Variants in NAALADL2 observed in about 807,000 individuals in gnomAD.
The protein encoded by NAALADL2 is N-acetylated alpha-linked acidic dipeptidase like 2, also known as inactive N-acetylated-alpha-linked acidic dipeptidase-like protein 2.
Under a neutral mutation model 87.2 loss-of-function variants are expected in NAALADL2, and 76 were observed. That is an observed-to-expected ratio of 0.87 (90% CI 0.72 to 1.05). NAALADL2 has a LOEUF of 1.05. NAALADL2 is among the 50% of genes least tolerant of loss of function. The pLI is 0.00. For missense variants in NAALADL2, 1,089 were observed against 945.8 expected (o/e 1.15, Z -1.99); for synonymous variants, 354 against 331.0 (o/e 1.07, Z -0.75).
intron 2 of NAALADL2, among the ~76,000 whole-genome samples, chr3:174,570,315 A>G (rs1489775603): frequency 6.6e-6 from 1 of 151,876 alleles, no homozygotes; most frequent in Non-Finnish European, 1.5e-5. Flanking sequence ...TTAAACATAT[A>G]TTTTCTACAT....
intron 5 of NAALADL2, among the ~76,000 whole-genome samples, chr3:175,337,210 T>C (rs1360361707): frequency 6.6e-6 from 1 of 151,974 alleles, no homozygotes; most frequent in African/African-American, 2.4e-5. Flanking sequence ...AGAGTCTTGG[T>C]TGGTCTGTGT....
intron 1 of NAALADL2, among the ~76,000 whole-genome samples, chr3:174,495,910 A>G (rs563074466): frequency 3.3e-5 from 5 of 152,322 alleles, no homozygotes; most frequent in East Asian, 1.9e-4. Flanking sequence ...AAAACTTTGT[A>G]TATAATTTCA....
At chr3:175,362,088 C>T (rs1313774504) in intron 5 of NAALADL2, among the ~76,000 whole-genome samples, 1 of 148,386 alleles carries the variant, frequency 6.7e-6, no homozygotes, top group Non-Finnish European at 1.5e-5. Context: ...CTACATATGG[C>T]TAGCCAATTT....
intron 1 of NAALADL2, among the ~76,000 whole-genome samples, chr3:174,880,131 G>A (rs746628226): frequency 1.3e-5 from 2 of 151,854 alleles, no homozygotes; most frequent in African/African-American, 2.4e-5. Context: ...GCTCTATATC[G>A]ATGATTCTCA....
At chr3:175,432,935 T>C (rs902956823) in intron 5 of NAALADL2, among the ~76,000 whole-genome samples, 4 of 152,082 alleles carry the variant, frequency 2.6e-5, no homozygotes, top group African/African-American at 9.7e-5. Flanking sequence ...ACCTGTTCTC[T>C]TTCATCTGGT....
chr3:175,107,149 T>C (rs1723304770), intron 2 of NAALADL2, among the ~76,000 whole-genome samples: 1 of 152,054 alleles, frequency 6.6e-6, no homozygotes, highest in South Asian at 2.1e-4. Context: ...ATGTAGCAAC[T>C]AGGCTAATAC....
At chr3:174,601,497 T>A (rs1471314049) in intron 2 of NAALADL2, among the ~76,000 whole-genome samples, 1 of 152,186 alleles carries the variant, frequency 6.6e-6, no homozygotes, top group African/African-American at 2.4e-5. Context: ...ATTATTAGAT[T>A]TTTTTGCTAT....
chr3:175,482,795 G>A (rs2058999), intron 9 of NAALADL2, among the ~76,000 whole-genome samples: 91,230 of 151,196 alleles, frequency 0.6, 29,574 homozygotes, highest in East Asian at 0.89. Flanking sequence ...ATTTATGAGG[G>A]AAGGATAGTA....
chr3:175,590,879 T>C (rs1279144306), intron 10 of NAALADL2, among the ~76,000 whole-genome samples: 1 of 152,178 alleles, frequency 6.6e-6, no homozygotes, highest in Non-Finnish European at 1.5e-5. Flanking sequence ...AGGTATTTGC[T>C]TTCAGTACTG....
chr3:175,606,902 A>G (rs1258482507), intron 10 of NAALADL2, among the ~76,000 whole-genome samples: 2 of 152,286 alleles, frequency 1.3e-5, no homozygotes, highest in South Asian at 4.2e-4. Context: ...ATTTTGCTGG[A>G]TCAGTACATA....
At position 174,882,815 on chromosome 3, in the gene NAALADL2, A is replaced by ACG. The variant is rs1255521258; in HGVS notation, c.43+23365_43+23366insCG. Among the ~76,000 whole-genome samples the ACG allele has an allele frequency of 1.2e-4, 16 of 135,302 alleles. 1 individual carries two copies. The highest frequency in any genetic ancestry group is 4.9e-4 in the African/African-American group (14 of 28,566). 88.8% of individuals were successfully genotyped at this position (135,302 alleles called of 152,430 possible). A position where few individuals can be genotyped will look rare whatever the true frequency, so the allele number is the denominator to read the frequency against. On this transcript the variant is annotated intron_variant, in intron 1 of 13. Coordinates refer to ENST00000454872, the MANE Select transcript of NAALADL2 (RefSeq NM_207015.3). ...TATATACACGTGTGTATATGTGCAT[A>ACG]TGTGTATATATACACGTGTGTATAT...
chr3:175,311,002 C>G (rs1252382313), intron 4 of NAALADL2, among the ~76,000 whole-genome samples: 1 of 151,542 alleles, frequency 6.6e-6, no homozygotes, highest in Non-Finnish European at 1.5e-5. Flanking sequence ...ATGTTTCCCC[C>G]GCAATATTGG....
intron 9 of NAALADL2, among the ~76,000 whole-genome samples, chr3:175,475,496 T>C (rs1437493493): frequency 6.6e-6 from 1 of 152,176 alleles, no homozygotes; most frequent in African/African-American, 2.4e-5. Context: ...GTCATCCATA[T>C]TTTAGGCAGC....
Position 175,799,968 on chromosome 3 carries a change from G to A in NAALADL2, c.2190-3037G>A, listed in dbSNP as rs184789197. Among the ~76,000 whole-genome samples, 37 of 152,240 alleles carry A rather than the reference G, an allele frequency of 2.4e-4. No homozygotes were observed. The East Asian group carries it at 2.5e-3, about 10-fold the overall frequency. ...CCTGGAAGTAGAGACAAAATTTTCC[G>A]AGTATACAGGGGAATCTAACATTTC... is the stretch of plus-strand genomic sequence containing the variant. On this transcript the variant is annotated intron_variant, in intron 13 of 13. Coordinates refer to ENST00000454872, the MANE Select transcript of NAALADL2 (RefSeq NM_207015.3).
At chr3:175,068,110 G>A (rs1055845016) in intron 1 of NAALADL2, among the ~76,000 whole-genome samples, 10 of 151,974 alleles carry the variant, frequency 6.6e-5, no homozygotes, top group African/African-American at 2.4e-4. Flanking sequence ...GGAAGGTGGG[G>A]CAAAGGCTGA....
At chr3:175,502,228 GGTGTGT>G (rs3040528) in intron 9 of NAALADL2, among the ~76,000 whole-genome samples, 6 of 147,384 alleles carry the variant, frequency 4.1e-5, no homozygotes, top group South Asian at 2.1e-4. Context: ...CATTATCCTG[GGTGTGT>G]GTGTGTGTGT....
rs1301114902 is a variant in NAALADL2, at chr3:175,804,454, TC to T, written c.*1256del. ...GAATAGCTCTAGCAACTATTATTAT[TC>T]CCCCAAACCCTAAAATTCTACCTAT... On this transcript the variant is annotated 3_prime_UTR_variant, in exon 14 of 14. Coordinates refer to ENST00000454872, the MANE Select transcript of NAALADL2 (RefSeq NM_207015.3). The T allele has an allele frequency of 5.3e-5, 8 of 151,802 alleles. No homozygotes were observed. Among genetic ancestry groups the T allele is most frequent in the Admixed American group, 4.6e-4 (7 of 15,190 alleles). The allele number at this position is 151,802 out of a possible 1,614,324, so 9.4% of individuals were successfully genotyped here. A position where few individuals can be genotyped will look rare whatever the true frequency, so the allele number is the denominator to read the frequency against.
intron 3 of NAALADL2, among the ~76,000 whole-genome samples, chr3:174,789,752 T>G (rs111629559): frequency 4.6e-5 from 7 of 152,312 alleles, no homozygotes; most frequent in Admixed American, 1.3e-4. Flanking sequence ...TAGTTCCAAT[T>G]ATAAGGAACA....
chr3:175,549,389 A>G (rs1048255862), intron 9 of NAALADL2, among the ~76,000 whole-genome samples: 5 of 151,982 alleles, frequency 3.3e-5, no homozygotes, highest in African/African-American at 1.2e-4. Flanking sequence ...ATCTACTCTT[A>G]AAATTATTTT....
Sources: allele counts gnomAD v4.1 joint callset (sites outside exome capture counted in the v4.1 genomes callset), GRCh38; gene constraint gnomAD v4.1.1; transcripts MANE v1.5; gene names NCBI Gene and HGNC (gene_info 2026-07-23, HGNC 2026-07-21).